Variants in FAM20C observed in about 807,000 individuals in gnomAD.
FAM20C encodes FAM20C golgi associated secretory pathway kinase.
FAM20C carries 40 observed loss-of-function variants against 51.5 expected under a neutral mutation model. That is an observed-to-expected ratio of 0.78 (90% confidence interval 0.60 to 1.01). The LOEUF (loss-of-function observed/expected upper bound fraction) is 1.01. Ranked by LOEUF, FAM20C falls within the 50% of genes least tolerant of loss-of-function variation. FAM20C has a pLI of 0.00. For missense variants in FAM20C, 861 were observed against 844.7 expected, an observed-to-expected ratio of 1.02 and a Z score of -0.24; for synonymous variants, 406 against 380.6, an observed-to-expected ratio of 1.07 and a Z score of -0.78.
chr7:203,382 T>C (rs1307063884), intron 2 of FAM20C, among the ~76,000 whole-genome samples: 1 of 152,220 alleles, frequency 6.6e-6, no homozygotes, highest in Non-Finnish European at 1.5e-5. Context: ...GCACCTTTTT[T>C]TCAAGGCCTG....
intron 3 of FAM20C, among the ~76,000 whole-genome samples, chr7:231,444 C>G (rs967467016): frequency 6.6e-6 from 1 of 150,948 alleles, no homozygotes; most frequent in Admixed American, 6.6e-5. Context: ...GTGGAGGGCC[C>G]CGTGGGAGGA....
chr7:195,981 G>A lies in FAM20C; in HGVS notation c.784+249G>A, dbSNP rs542202825. On this transcript the variant is annotated intron_variant, in intron 2 of 9. Transcript: ENST00000313766. ...GACGCCTGGACAGCCGGTCCACTGCGCTCTGCGTCCTCACCTGGGTGGTCC... is the reference window on the plus strand; with the variant it reads ...GACGCCTGGACAGCCGGTCCACTGCACTCTGCGTCCTCACCTGGGTGGTCC... Among the ~76,000 whole-genome samples, 29 of 152,374 alleles carry A rather than the reference G, an allele frequency of 1.9e-4. No individual in the cohort carries two copies. In the South Asian group the frequency reaches 4.6e-3, roughly 24 times the overall value.
chr7:214,752 G>A (rs1259645780), intron 3 of FAM20C, among the ~76,000 whole-genome samples: 1 of 152,210 alleles, frequency 6.6e-6, no homozygotes, highest in Non-Finnish European at 1.5e-5. Context: ...GCTTGGAGAA[G>A]TGGGGGACTG....
Position 259,713 on chromosome 7 carries a change from T to C in FAM20C, c.1506-18T>C. ...CTCCCCTGTCCCGTGCCAGGCCTGA[T>C]GCCCCTCTCCTCCCCAGGATCCGGA... On this transcript the variant is annotated intron_variant, in intron 9 of 9. Coordinates refer to ENST00000313766, the MANE Select transcript of FAM20C (RefSeq NM_020223.4). The C allele has an allele frequency of 6.6e-7, 1 of 1,526,034 alleles. No individual in the cohort carries two copies. The highest frequency in any genetic ancestry group is 1.4e-5 in the African/African-American group (1 of 73,004). The allele number at this position is 1,526,034 out of a possible 1,614,324, so 94.5% of individuals were successfully genotyped here.
At chr7:197,821 G>A (rs931828011) in intron 2 of FAM20C, among the ~76,000 whole-genome samples, 1 of 152,182 alleles carries the variant, frequency 6.6e-6, no homozygotes, top group South Asian at 2.1e-4. Context: ...GCTTCAGGGA[G>A]AGTGTGGGGC....
chr7:256,108 G>A lies in FAM20C; in HGVS notation c.1253+79G>A, dbSNP rs537319147. ...GGGCCTGGGCGGGCATGGGAGGGTC[G>A]GCGCCCACGGGGGTGGCAGAGATGG... is the stretch of plus-strand genomic sequence containing the variant. On this transcript the variant is annotated intron_variant, in intron 6 of 9. Coordinates refer to ENST00000313766, the MANE Select transcript of FAM20C (RefSeq NM_020223.4). The A allele has an allele frequency of 1.2e-4, 184 of 1,478,916 alleles. No homozygotes were observed. In the South Asian group the frequency reaches 1.8e-3, roughly 14 times the overall value. 91.6% of individuals were successfully genotyped at this position (1,478,916 alleles called of 1,614,324 possible).
chr7:196,376 C>A (rs1010622166), intron 2 of FAM20C, among the ~76,000 whole-genome samples: 1 of 152,248 alleles, frequency 6.6e-6, no homozygotes, highest in African/African-American at 2.4e-5. Flanking sequence ...GCCACTGCAG[C>A]TTCTGAGCGT....
At position 260,007 on chromosome 7, in the gene FAM20C, G is replaced by C. The variant is rs1788819411; in HGVS notation, c.*27G>C. The C allele has an allele frequency of 6.7e-7, 1 of 1,483,482 alleles. No homozygotes were observed. The highest frequency in any genetic ancestry group is 1.4e-5 in the African/African-American group (1 of 71,932). 91.9% of individuals were successfully genotyped at this position (1,483,482 alleles called of 1,614,324 possible). ...GTCCGCCGGCCGCTGCGCTGCCCGGGACGGAGACAGAGGCGCCGGACCTCC... is the reference window on the plus strand; with the variant it reads ...GTCCGCCGGCCGCTGCGCTGCCCGGCACGGAGACAGAGGCGCCGGACCTCC... On this transcript the variant is annotated 3_prime_UTR_variant, in exon 10 of 10. Transcript: ENST00000313766.
chr7:251,409 T>C (rs958983755), intron 5 of FAM20C, among the ~76,000 whole-genome samples: 9 of 152,082 alleles, frequency 5.9e-5, no homozygotes, highest in Middle Eastern at 6.8e-3. Context: ...TTCCAGCAAC[T>C]CAGGAGGCTG....
rs1004257894 is a variant in FAM20C at position 259,989 on chromosome 7, G to C, written c.*9G>C. Reference sequence around the variant, plus strand: ...CCGCCTCGGCGAGGTAGTGTCCGCCGGCCGCTGCGCTGCCCGGGACGGAGA... The same window carrying C: ...CCGCCTCGGCGAGGTAGTGTCCGCCCGCCGCTGCGCTGCCCGGGACGGAGA... On this transcript the variant is annotated 3_prime_UTR_variant, in exon 10 of 10. Transcript: ENST00000313766. The C allele has an allele frequency of 2.7e-6, 4 of 1,504,196 alleles. No individual in the cohort carries two copies. The highest frequency in any genetic ancestry group is 3.6e-6 in the Non-Finnish European group (4 of 1,123,830). The allele number at this position is 1,504,196 out of a possible 1,614,324, so 93.2% of individuals were successfully genotyped here.
intron 3 of FAM20C, among the ~76,000 whole-genome samples, chr7:244,841 C>T (rs1414557972): frequency 6.6e-6 from 1 of 152,252 alleles, no homozygotes; most frequent in Non-Finnish European, 1.5e-5. Flanking sequence ...CTCAGAGTTT[C>T]TAGCAGCAGA....
In FAM20C at chr7:228,720, T is replaced by C. The variant is rs112165794; in HGVS notation, c.864-17695T>C. The C allele has an allele frequency of 5.7e-3, 2,583 of 456,250 alleles. 72 individuals carry two copies. The highest frequency in any genetic ancestry group is 0.043 in the African/African-American group (2,165 of 50,164). 28.3% of individuals were successfully genotyped at this position (456,250 alleles called of 1,614,324 possible). On this transcript the variant is annotated intron_variant, in intron 3 of 9. Transcript: ENST00000313766. ...CACAGCTGCCAGCCTCCACGGCACC[T>C]GTGGGTCCATCCCACATCCTCCACC...
chr7:243,798 G>A (rs1468387643), intron 3 of FAM20C, among the ~76,000 whole-genome samples: 2 of 152,080 alleles, frequency 1.3e-5, no homozygotes, highest in Non-Finnish European at 2.9e-5. Flanking sequence ...TGCAGTGGAT[G>A]TCCCAGGAGC....
rs200962622 is a variant in FAM20C, at chr7:195,601, C to T, written c.653C>T (p.Ala218Val). The change falls in exon 2 of 10, where the codon GCG becomes GTG. Residue 218 changes from alanine (A) to valine (V), a missense_variant. Transcript: ENST00000313766. ...GCAGAATTCCTCTCCCCCGGGGAGGCGGCCGTGGACTCCTATCCCAACTGG... is the reference window on the plus strand; with the variant it reads ...GCAGAATTCCTCTCCCCCGGGGAGGTGGCCGTGGACTCCTATCCCAACTGG... ...EGAEFLSPGE[A>V]AVDSYPNWLK... The T allele has an allele frequency of 1.6e-4, 258 of 1,601,860 alleles. 2 individuals are homozygous for T. In the East Asian group the frequency reaches 4.9e-3, roughly 30 times the overall value.
chr7:211,366 T>C, intron 3 of FAM20C, among the ~76,000 whole-genome samples: 1 of 84,548 alleles, frequency 1.2e-5, no homozygotes, highest in Admixed American at 1.3e-4. Context: ...CCCCAGCCTC[T>C]TCCAACCTCC....
intron 3 of FAM20C, chr7:228,669 T>G (rs1332867861): frequency 4.4e-6 from 2 of 456,148 alleles, no homozygotes; most frequent in Non-Finnish European, 8.8e-6. Flanking sequence ...AACTGGTGCC[T>G]GGAGCTGAGG....
At chr7:250,046 T>C (rs1419123675) in intron 5 of FAM20C, among the ~76,000 whole-genome samples, 1 of 152,160 alleles carries the variant, frequency 6.6e-6, no homozygotes, top group Non-Finnish European at 1.5e-5. Context: ...AGGCTCTCAC[T>C]GTAGGGGGCC....
At position 259,889 on chromosome 7, in the gene FAM20C, A is replaced by C. The variant is rs1788813153; in HGVS notation, c.1664A>C (p.Lys555Thr). The change falls in exon 10 of 10, where the codon AAG (lysine) becomes ACG (threonine). Residue 555 changes from lysine (K) to threonine (T), a missense_variant. Coordinates refer to ENST00000313766, the MANE Select transcript of FAM20C (RefSeq NM_020223.4). The part of the protein sequence containing the change: ...ALDRRLRVVL[K>T]AVRDCVERNG... ...GACCGGCGGCTCCGCGTCGTGCTAA[A>C]GGCCGTCCGGGACTGCGTGGAGAGG... The C allele has an allele frequency of 1.3e-6, 2 of 1,535,962 alleles. No individual in the cohort carries two copies.
rs143574594 is a variant in FAM20C, at chr7:245,602, T to C, written c.864-813T>C. ...TGGTGGAGGAAGCATGCTTACACGC[T>C]TACACGCTTACGCGCTTACACACTT... On this transcript the variant is annotated intron_variant, in intron 3 of 9. Transcript: ENST00000313766. Among the ~76,000 whole-genome samples, 1,208 of 152,318 alleles carry C rather than the reference T, an allele frequency of 7.9e-3. 9 individuals carry two copies. Among genetic ancestry groups the C allele is most frequent in the Non-Finnish European group, 0.014 (942 of 68,008 alleles).
Sources: gnomAD v4.1 joint callset for allele counts (sites outside exome capture counted in the v4.1 genomes callset) on GRCh38, gnomAD v4.1.1 for gene constraint, MANE v1.5 for transcripts, NCBI Gene and HGNC (gene_info 2026-07-23, HGNC 2026-07-21) for gene names.